DDX10: variants seen among roughly 807,000 people sequenced by gnomAD.
DDX10 encodes the protein probable ATP-dependent RNA helicase DDX10.
DDX10 carries 74 observed loss-of-function variants against 104.3 expected under a neutral mutation model. The ratio of observed to expected loss-of-function variants is 0.71; its 90% CI spans 0.59 to 0.86. The LOEUF (loss-of-function observed/expected upper bound fraction) is 0.86, where lower values mean the gene tolerates loss of function less well. DDX10 is among the 40% of genes least tolerant of loss of function. The probability of loss-of-function intolerance (pLI) is 0.00; values close to 1 mark genes in which losing one functional copy is unlikely to be tolerated. For synonymous variants in DDX10, 351 were observed against 353.4 expected (o/e 0.99, Z 0.08); for missense variants, 952 against 1,040.0 (o/e 0.92, Z 1.16).
chr11:108,805,047 C>T (rs866863160), intron 13 of DDX10, among the ~76,000 whole-genome samples: 3 of 152,296 alleles, frequency 2.0e-5, no homozygotes, highest in Middle Eastern at 3.4e-3. Flanking sequence ...GAGGCAGGAT[C>T]CTGGGGGCTG....
chr11:108,704,779 G>A (rs1001195251), intron 9 of DDX10, among the ~76,000 whole-genome samples: 3 of 152,184 alleles, frequency 2.0e-5, no homozygotes, highest in African/African-American at 7.2e-5. Context: ...ATTGGTGAAA[G>A]TAGTAAATTG....
chr11:108,838,270 G>A (rs937431579), intron 13 of DDX10, 176 bp from the exon 14 acceptor site: 1 of 551,706 alleles, frequency 1.8e-6, no homozygotes, highest in African/African-American at 1.9e-5. Context: ...GTTTTGGGAG[G>A]AGTTCTTAGT....
chr11:108,719,550 TTA>T (rs1402756649), intron 11 of DDX10, among the ~76,000 whole-genome samples: 2 of 152,194 alleles, frequency 1.3e-5, no homozygotes, highest in African/African-American at 4.8e-5. Context: ...ATACTGACTT[TTA>T]GAGTAGCCTT....
At chr11:108,780,979 A>G (rs2094377390) in intron 13 of DDX10, among the ~76,000 whole-genome samples, 1 of 152,174 alleles carries the variant, frequency 6.6e-6, no homozygotes, top group Non-Finnish European at 1.5e-5. Context: ...GGATACATGT[A>G]TATGATTGCT....
intron 1 of DDX10, 81 bp downstream of exon 1, chr11:108,665,420 A>G (rs2094208834): frequency 1.4e-6 from 2 of 1,438,420 alleles, no homozygotes; most frequent in Admixed American, 5.8e-5. Context: ...TGCAGAGTGG[A>G]GGCGGCGGAT....
Position 108,673,332 on chromosome 11 carries a change from A to G in DDX10, c.187-135A>G, listed in dbSNP as rs961399567. 1.2e-5 allele frequency: 8 copies of G among 645,808 alleles called. No individual in the cohort carries two copies. In the African/African-American group the frequency reaches 1.5e-4, roughly 12 times the overall value. The allele number at this position is 645,808 out of a possible 1,614,324, so 40.0% of individuals were successfully genotyped here. On this transcript the variant is annotated intron_variant, in intron 1 of 17. Coordinates refer to ENST00000322536, the MANE Select transcript of DDX10 (RefSeq NM_004398.4). ...GGCATATTTCGTTACAGAAGGAATG[A>G]TGGCTTTTAATTAGAAGCGATGATT...
At chr11:108,827,749 T>C (rs1862415066) in intron 13 of DDX10, among the ~76,000 whole-genome samples, 1 of 152,206 alleles carries the variant, frequency 6.6e-6, no homozygotes, top group Non-Finnish European at 1.5e-5. Context: ...TCTTCTCCTT[T>C]AGTCTTGTGT....
chr11:108,810,151 T>C (rs184275195), intron 13 of DDX10, among the ~76,000 whole-genome samples: 9 of 152,286 alleles, frequency 5.9e-5, no homozygotes, highest in Admixed American at 2.0e-4. Flanking sequence ...AAGTATAATA[T>C]AATAAGTGTT....
At chr11:108,883,619 A>G (rs1329580766) in intron 16 of DDX10, among the ~76,000 whole-genome samples, 6 of 152,170 alleles carry the variant, frequency 3.9e-5, no homozygotes, top group African/African-American at 1.4e-4. Flanking sequence ...TTCCCTTTAT[A>G]GTAAAATGCC....
intron 13 of DDX10, among the ~76,000 whole-genome samples, chr11:108,749,501 A>C (rs1483157072): frequency 6.6e-6 from 1 of 152,142 alleles, no homozygotes; most frequent in Non-Finnish European, 1.5e-5. Flanking sequence ...TGTTACACTT[A>C]AAGAAATCAT....
chr11:108,736,160 T>C (rs2094318083), intron 13 of DDX10, among the ~76,000 whole-genome samples: 1 of 151,884 alleles, frequency 6.6e-6, no homozygotes, highest in South Asian at 2.1e-4. Flanking sequence ...AGTTCTTTTT[T>C]TTTTTTTTTT....
At chr11:108,739,379 G>C (rs1340296883) in intron 13 of DDX10, among the ~76,000 whole-genome samples, 1 of 152,166 alleles carries the variant, frequency 6.6e-6, no homozygotes, top group Non-Finnish European at 1.5e-5. Context: ...AGCTTTTCTG[G>C]GGCTAAGTAT....
intron 6 of DDX10, among the ~76,000 whole-genome samples, chr11:108,687,813 TG>T (rs1434542660): frequency 6.6e-6 from 1 of 152,248 alleles, no homozygotes; most frequent in Non-Finnish European, 1.5e-5. Context: ...CTTCCCTTTG[TG>T]GATCATAACT....
At chr11:108,908,920 T>A (rs950802430) in intron 16 of DDX10, among the ~76,000 whole-genome samples, 2 of 152,228 alleles carry the variant, frequency 1.3e-5, no homozygotes, top group South Asian at 4.1e-4. Context: ...TGCTTAGAAA[T>A]ACTTGATGAC....
At chr11:108,827,450 T>C (rs1435524458) in intron 13 of DDX10, among the ~76,000 whole-genome samples, 1 of 152,196 alleles carries the variant, frequency 6.6e-6, no homozygotes, top group Non-Finnish European at 1.5e-5. Context: ...CTGATTTTCA[T>C]TTTTCTCTTA....
At chr11:108,869,464 A>G (rs1308825032) in intron 16 of DDX10, among the ~76,000 whole-genome samples, 1 of 152,148 alleles carries the variant, frequency 6.6e-6, no homozygotes, top group Non-Finnish European at 1.5e-5. Context: ...GAATTGTTAC[A>G]GATGTGACTG....
intron 6 of DDX10, among the ~76,000 whole-genome samples, chr11:108,682,293 C>CG (rs2094236505): frequency 6.6e-6 from 1 of 152,014 alleles, no homozygotes; most frequent in South Asian, 2.1e-4. Flanking sequence ...TGAGTAAAGA[C>CG]GGGGTTTCAC....
At chr11:108,749,070 TTCTCTCTC>T (rs146782260) in intron 13 of DDX10, among the ~76,000 whole-genome samples, 3 of 150,732 alleles carry the variant, frequency 2.0e-5, no homozygotes, top group African/African-American at 7.4e-5. Flanking sequence ...CTCTCTCTCT[TTCTCTCTC>T]TCTCTCTCTA....
At chr11:108,728,524 T>C (rs2094308093) in intron 13 of DDX10, among the ~76,000 whole-genome samples, 1 of 80,980 alleles carries the variant, frequency 1.2e-5, no homozygotes, top group South Asian at 4.8e-4. Context: ...TTTTTTTTTT[T>C]TTTTTTTAGA....
Sources: gnomAD v4.1 joint callset for allele counts (sites outside exome capture counted in the v4.1 genomes callset) on GRCh38, gnomAD v4.1.1 for gene constraint, MANE v1.5 for transcripts, NCBI Gene and HGNC (gene_info 2026-07-23, HGNC 2026-07-21) for gene names.